ZNF527: variants seen among roughly 807,000 people sequenced by gnomAD.
The protein encoded by ZNF527 is zinc finger protein 527.
ZNF527 carries 5 observed loss-of-function variants against 13.5 expected under a neutral mutation model. That is an observed-to-expected ratio of 0.37 (90% CI 0.19 to 0.78). The LOEUF is 0.78. Among genes scored for constraint, ZNF527 ranks in the 30% least tolerant of loss-of-function variants. The pLI, the probability that ZNF527 is intolerant of heterozygous loss-of-function variation, is 0.48. For missense variants in ZNF527, 628 were observed against 726.4 expected, an observed-to-expected ratio of 0.86 and a Z score of 1.56; for synonymous variants, 209 against 243.1, an observed-to-expected ratio of 0.86 and a Z score of 1.30.
intron 1 of ZNF527, 138 bp from the exon 2 acceptor site, chr19:37,374,020 G>A (rs947337611): frequency 2.8e-5 from 14 of 496,562 alleles, no homozygotes; most frequent in Middle Eastern, 5.3e-4. Context: ...ATTCCACCCC[G>A]CCACCCTGGC....
chr19:37,373,153 C>G (rs1294560587), intron 1 of ZNF527, among the ~76,000 whole-genome samples: 1 of 152,102 alleles, frequency 6.6e-6, no homozygotes, highest in Non-Finnish European at 1.5e-5. Flanking sequence ...AGTAGTAGTT[C>G]TGAGGATTAA....
rs1184636649 is a variant in ZNF527, at chr19:37,384,856, T to G, written c.257-3450T>G. On this transcript the variant is annotated intron_variant, in intron 4 of 4. Coordinates refer to ENST00000436120, the MANE Select transcript of ZNF527 (RefSeq NM_032453.2). ...CTGCTCATACATTTTTTTGTTTTGT[T>G]TTTTGAGACAGGTTCTCACTCTGTT... is the stretch of plus-strand genomic sequence containing the variant. The G allele has an allele frequency of 2.7e-5, 18 of 671,854 alleles. No individual in the cohort carries two copies. The Admixed American group carries it at 3.1e-4, about 11-fold the overall frequency. The allele number at this position is 671,854 out of a possible 1,614,324, so 41.6% of individuals were successfully genotyped here.
Position 37,388,533 on chromosome 19 carries a change from G to C in ZNF527, c.484G>C (p.Asp162His), listed in dbSNP as rs1276546322. 1.9e-6 allele frequency: 3 copies of C among 1,614,140 alleles called. No homozygotes were observed. Among genetic ancestry groups the C allele is most frequent in the South Asian group, 2.2e-5 (2 of 91,076 alleles). The change falls in exon 5 of 5, where the codon GAC becomes CAC. Residue 162 changes from aspartate (D) to histidine (H), a missense_variant. Transcript: ENST00000436120. ...AVKEISTGKR[D>H]NEFSNSGRSI... ...TAAGGAAATCTCTACTGGGAAAAGA[G>C]ACAATGAATTTAGTAATTCTGGGAG... is the stretch of plus-strand genomic sequence containing the variant.
intron 2 of ZNF527, 39 bp from the exon 3 acceptor site, chr19:37,379,081 T>C (rs1350988128): frequency 1.2e-6 from 2 of 1,613,578 alleles, no homozygotes; most frequent in Non-Finnish European, 1.7e-6. Context: ...ACCATATAGG[T>C]GTCTGGGCAC....
In ZNF527 at chr19:37,389,110, G is replaced by C. The variant is rs576226898; in HGVS notation, c.1061G>C (p.Gly354Ala). 6.2e-7 allele frequency: 1 copy of C among 1,614,246 alleles called. No homozygotes were observed. The highest frequency in any genetic ancestry group is 1.3e-5 in the African/African-American group (1 of 75,064). The stretch of plus-strand genomic sequence containing the variant: ...GCTCAACATCAGAGGATCCACACTG[G>C]AGAGAAACCGTTTGCGTGCAATGAA... Reference protein sequence around the residue: ...HLAQHQRIHTGEKPFACNECG... With the variant: ...HLAQHQRIHTAEKPFACNECG... The change falls in exon 5 of 5, where the codon GGA (glycine) becomes GCA (alanine). Residue 354 changes from glycine (G) to alanine (A), a missense_variant. Transcript: ENST00000436120.
intron 2 of ZNF527, among the ~76,000 whole-genome samples, chr19:37,376,367 T>A (rs1257360995): frequency 7.3e-5 from 11 of 150,368 alleles, no homozygotes; most frequent in East Asian, 5.9e-4. Flanking sequence ...TAAAAAAAAA[T>A]AAAAAATAAA....
chr19:37,387,004 A>G (rs887969945), intron 4 of ZNF527, among the ~76,000 whole-genome samples: 18 of 152,338 alleles, frequency 1.2e-4, no homozygotes, highest in Non-Finnish European at 4.4e-5. Flanking sequence ...CCAAGGCGGT[A>G]TATAGGACGG....
intron 4 of ZNF527, 119 bp downstream of exon 4, chr19:37,380,491 C>T: frequency 1.4e-6 from 1 of 713,454 alleles, no homozygotes; most frequent in Non-Finnish European, 2.2e-6. Context: ...GTATGTGCTT[C>T]CCTAGAAACC....
intron 4 of ZNF527, among the ~76,000 whole-genome samples, chr19:37,386,059 C>T (rs1256301716): frequency 2.0e-5 from 3 of 150,824 alleles, no homozygotes; most frequent in African/African-American, 7.3e-5. Flanking sequence ...GTTGTTTCCT[C>T]GTTTACCATA....
At chr19:37,377,115 G>A (rs1383918001) in intron 2 of ZNF527, among the ~76,000 whole-genome samples, 1 of 152,110 alleles carries the variant, frequency 6.6e-6, no homozygotes, top group Non-Finnish European at 1.5e-5. Context: ...ATCATGGAAG[G>A]GAACTTATTT....
At chr19:37,376,630 C>T (rs747638597) in intron 2 of ZNF527, among the ~76,000 whole-genome samples, 106 of 145,288 alleles carry the variant, frequency 7.3e-4, no homozygotes, top group Non-Finnish European at 1.3e-3. Context: ...GCCAAGATCG[C>T]GCCATTGCAC....
chr19:37,382,285 G>GTAGATAGA lies in ZNF527; in HGVS notation c.256+1952_256+1959dup, dbSNP rs10594777. 2.1e-3 allele frequency among the ~76,000 whole-genome samples: 315 copies of GTAGATAGA among 149,268 alleles called. 1 individual carries two copies. Among genetic ancestry groups the GTAGATAGA allele is most frequent in the East Asian group, 2.6e-3 (13 of 5,032 alleles). On this transcript the variant is annotated intron_variant, in intron 4 of 4. Transcript: ENST00000436120. ...AGCTAGGAAACAGATAGATAGATAG[G>GTAGATAGA]TAGATAGATAGATAGATAGATAGAT...
chr19:37,379,993 G>A, intron 3 of ZNF527: 2 of 273,960 alleles, frequency 7.3e-6, no homozygotes, highest in Non-Finnish European at 1.4e-5. Context: ...TGTAGTTTCT[G>A]ATGCAGTAGT....
intron 3 of ZNF527, chr19:37,380,054 G>A: frequency 4.1e-6 from 3 of 735,710 alleles, no homozygotes; most frequent in Non-Finnish European, 5.9e-6. Flanking sequence ...CTAGGTGATG[G>A]CTGCAGCTGC....
intron 4 of ZNF527, among the ~76,000 whole-genome samples, chr19:37,388,085 C>T (rs1175979689): frequency 1.3e-5 from 2 of 152,170 alleles, no homozygotes; most frequent in South Asian, 4.1e-4. Context: ...CAACTACCAC[C>T]TCCCTATCGT....
chr19:37,375,270 C>G (rs539762555), intron 2 of ZNF527, among the ~76,000 whole-genome samples: 2 of 122,940 alleles, frequency 1.6e-5, no homozygotes, highest in African/African-American at 6.7e-5. Flanking sequence ...TTCTTTCTTT[C>G]TTTCTTTCTT....
intron 2 of ZNF527, among the ~76,000 whole-genome samples, chr19:37,376,810 G>T (rs1170379602): frequency 1.3e-5 from 2 of 151,910 alleles, no homozygotes; most frequent in Non-Finnish European, 2.9e-5. Context: ...TCTAAATTGT[G>T]ATACACTGTA....
At chr19:37,372,403 G>A (rs923670567) in intron 1 of ZNF527, among the ~76,000 whole-genome samples, 1 of 151,356 alleles carries the variant, frequency 6.6e-6, no homozygotes, top group Non-Finnish European at 1.5e-5. Context: ...TGAAATTAGG[G>A]GGTGATGTAT....
At chr19:37,371,527 A>T (rs2040556548) in intron 1 of ZNF527, among the ~76,000 whole-genome samples, 1 of 151,956 alleles carries the variant, frequency 6.6e-6, no homozygotes, top group Non-Finnish European at 1.5e-5. Context: ...GTATGTGTTT[A>T]TGAGAGACTG....
Sources: gnomAD v4.1 joint callset for allele counts (sites outside exome capture counted in the v4.1 genomes callset) on GRCh38, gnomAD v4.1.1 for gene constraint, MANE v1.5 for transcripts, NCBI Gene and HGNC (gene_info 2026-07-23, HGNC 2026-07-21) for gene names.